The following EPM2A variants were observed in gnomAD, a reference collection of about 807,000 sequenced individuals.
EPM2A encodes EPM2A glucan phosphatase, laforin.
EPM2A carries 21 observed loss-of-function variants against 26.5 expected under a neutral mutation model. The observed-to-expected ratio is 0.79, with a 90% CI of 0.56 to 1.14. The LOEUF is 1.14. EPM2A is among the 50% of genes most tolerant of loss of function. The pLI is 0.00. For missense variants in EPM2A, 458 were observed against 440.8 expected (o/e 1.04, Z -0.35); for synonymous variants, 217 against 177.6 (o/e 1.22, Z -1.76).
At position 145,693,350 on chromosome 6, in the gene EPM2A, A is replaced by T. The variant is rs553992524; in HGVS notation, c.302-7054T>A. Among the ~76,000 whole-genome samples, 36 of 152,160 alleles carry T rather than the reference A, an allele frequency of 2.4e-4. No individual in the cohort carries two copies. The South Asian group carries it at 3.9e-3, about 17-fold the overall frequency. On this transcript the variant is annotated intron_variant, in intron 1 of 3. Transcript: ENST00000367519. Reference sequence around the variant, plus strand: ...GGTTTTCTAGGTATAAAATCATATCATCTGCAAACAGGGATAGTTTGACTT... The same window carrying T: ...GGTTTTCTAGGTATAAAATCATATCTTCTGCAAACAGGGATAGTTTGACTT...
chr6:145,388,585 T>A (rs1336659637), intron 4 of EPM2A, among the ~76,000 whole-genome samples: 2 of 152,186 alleles, frequency 1.3e-5, no homozygotes, highest in Non-Finnish European at 2.9e-5. Context: ...TACACAGGTA[T>A]ACATGTGCCA....
intron 2 of EPM2A, among the ~76,000 whole-genome samples, chr6:145,593,044 C>T (rs1018231630): frequency 6.6e-6 from 1 of 151,926 alleles, no homozygotes; most frequent in South Asian, 2.1e-4. Context: ...CCCAACTATA[C>T]ACTGTATTCA....
intron 2 of EPM2A, among the ~76,000 whole-genome samples, chr6:145,599,613 T>C (rs1446818188): frequency 6.6e-6 from 1 of 152,008 alleles, no homozygotes. Context: ...ATTCTGCTTC[T>C]GTATGTTTTG....
intron 4 of EPM2A, among the ~76,000 whole-genome samples, chr6:145,393,988 T>G (rs2114660295): frequency 6.6e-6 from 1 of 152,046 alleles, no homozygotes; most frequent in South Asian, 2.1e-4. Flanking sequence ...CATACCTGGC[T>G]AATTTTTTGT....
intron 2 of EPM2A, among the ~76,000 whole-genome samples, chr6:145,579,147 T>TATA (rs61508971): frequency 0.43 from 64,197 of 150,638 alleles, 14,167 homozygotes; most frequent in African/African-American, 0.51. Context: ...AACTTAAAAG[T>TATA]ATAATAATAA....
chr6:145,453,432 G>C (rs1378292697), intron 4 of EPM2A, among the ~76,000 whole-genome samples: 1 of 151,838 alleles, frequency 6.6e-6, no homozygotes, highest in African/African-American at 2.4e-5. Context: ...GCCAGTGTCT[G>C]TTGTTGTTGT....
At chr6:145,598,152 G>A (rs1781372901) in intron 2 of EPM2A, among the ~76,000 whole-genome samples, 1 of 152,146 alleles carries the variant, frequency 6.6e-6, no homozygotes. Context: ...TAATCATACT[G>A]CTTTCCATAA....
chr6:145,449,117 G>T (rs1779165661), intron 4 of EPM2A, among the ~76,000 whole-genome samples: 1 of 152,124 alleles, frequency 6.6e-6, no homozygotes, highest in South Asian at 2.1e-4. Flanking sequence ...TAACAATTTT[G>T]TCAGGGCTAC....
chr6:145,634,026 T>G (rs1296589346), intron 3 of EPM2A: 1 of 152,170 alleles, frequency 6.6e-6, no homozygotes, highest in Non-Finnish European at 1.5e-5. Context: ...ATAAGCTAAT[T>G]CTTGTAAATT....
At chr6:145,660,356 A>G (rs908342580) in intron 2 of EPM2A, among the ~76,000 whole-genome samples, 1 of 152,174 alleles carries the variant, frequency 6.6e-6, no homozygotes, top group African/African-American at 2.4e-5. Flanking sequence ...ATTTAAGTTG[A>G]AAAACTTTAA....
intron 1 of EPM2A, among the ~76,000 whole-genome samples, chr6:145,709,935 T>C (rs1775209430): frequency 1.3e-5 from 2 of 152,130 alleles, no homozygotes. Flanking sequence ...TGAAACTGGA[T>C]CCCTTCCTTA....
chr6:145,700,777 T>C (rs938291479), intron 1 of EPM2A, among the ~76,000 whole-genome samples: 4 of 152,220 alleles, frequency 2.6e-5, no homozygotes, highest in African/African-American at 9.6e-5. Flanking sequence ...GGCAGTTTCA[T>C]AGTAAGAACA....
At chr6:145,569,291 G>A (rs1370635080) in intron 2 of EPM2A, among the ~76,000 whole-genome samples, 2 of 152,082 alleles carry the variant, frequency 1.3e-5, no homozygotes, top group Non-Finnish European at 2.9e-5. Flanking sequence ...TAGTAACTGG[G>A]CAGTCCATTA....
At chr6:145,462,865 A>G (rs1779343147) in intron 4 of EPM2A, among the ~76,000 whole-genome samples, 1 of 152,178 alleles carries the variant, frequency 6.6e-6, no homozygotes. Flanking sequence ...ATGCAAATCA[A>G]GTAGATAAAT....
chr6:145,683,220 A>T (rs898594307), intron 2 of EPM2A, among the ~76,000 whole-genome samples: 2 of 151,172 alleles, frequency 1.3e-5, no homozygotes, highest in African/African-American at 4.9e-5. Context: ...CCTTTCACAC[A>T]TGTAAAAATC....
At chr6:145,393,666 C>T (rs1434615538) in intron 4 of EPM2A, among the ~76,000 whole-genome samples, 1 of 152,070 alleles carries the variant, frequency 6.6e-6, no homozygotes, top group Non-Finnish European at 1.5e-5. Context: ...AACCCCAACT[C>T]TTTATATGTC....
rs181021757 is a variant in EPM2A at position 145,577,066 on chromosome 6, A to C, written c.340+58179T>G. Among the ~76,000 whole-genome samples, 7 of 151,758 alleles carry C rather than the reference A, an allele frequency of 4.6e-5. No individual in the cohort carries two copies. In the East Asian group the frequency reaches 1.3e-3, roughly 29 times the overall value. ...AAAATAAAAAGCAAGAAATTACAAC[A>C]TTCTGCCAGAACAAAATCACTTACG... On this transcript the variant is annotated intron_variant, in intron 2 of 3. Coordinates refer to the EPM2A transcript ENST00000450221.
chr6:145,614,429 C>G (rs1032928304), intron 2 of EPM2A, among the ~76,000 whole-genome samples: 2 of 152,206 alleles, frequency 1.3e-5, no homozygotes, highest in Admixed American at 1.3e-4. Context: ...CCTTCAAGAA[C>G]CTTTTATTTG....
intron 1 of EPM2A, among the ~76,000 whole-genome samples, chr6:145,713,934 G>A (rs901155032): frequency 1.8e-4 from 28 of 152,166 alleles, no homozygotes; most frequent in Admixed American, 9.2e-4. Flanking sequence ...GCTACAACAC[G>A]TACAAACCCC....
Sources: allele counts gnomAD v4.1 joint callset (sites outside exome capture counted in the v4.1 genomes callset), GRCh38; gene constraint gnomAD v4.1.1; transcripts MANE v1.5; gene names NCBI Gene and HGNC (gene_info 2026-07-23, HGNC 2026-07-21).